ZBTB49: variants seen among roughly 807,000 people sequenced by gnomAD.
ZBTB49 encodes zinc finger and BTB domain containing 49.
In ZBTB49, 43 loss-of-function variants were observed where a neutral mutation model predicts 57.5. The observed-to-expected ratio is 0.75, with a 90% CI of 0.59 to 0.97. The LOEUF (loss-of-function observed/expected upper bound fraction) is 0.97, where lower values mean the gene tolerates loss of function less well. ZBTB49 is among the 50% of genes least tolerant of loss of function. ZBTB49 has a pLI of 0.00. For missense variants in ZBTB49, 938 were observed against 947.7 expected, an observed-to-expected ratio of 0.99 and a Z score of 0.13; for synonymous variants, 369 against 362.1, an observed-to-expected ratio of 1.02 and a Z score of -0.22.
At chr4:4,316,463 T>C (rs1160755952) in intron 7 of ZBTB49, among the ~76,000 whole-genome samples, 1 of 152,168 alleles carries the variant, frequency 6.6e-6, no homozygotes, top group East Asian at 1.9e-4. Context: ...ACTGCTCCGA[T>C]GAGGACACGG....
At chr4:4,294,872 CGTGTGTGTGTGTGTGTGTGT>C (rs10626183) in intron 1 of ZBTB49, among the ~76,000 whole-genome samples, 2 of 138,128 alleles carry the variant, frequency 1.4e-5, no homozygotes, top group East Asian at 4.4e-4. Flanking sequence ...AGGAGGGTTT[CGTGTGTGTGTGTGTGTGTGT>C]GTGTGTGTGT....
chr4:4,315,734 T>C lies in ZBTB49; in HGVS notation c.1459+16T>C. On this transcript the variant is annotated intron_variant, in intron 6 of 7. Coordinates refer to ENST00000337872, the MANE Select transcript of ZBTB49 (RefSeq NM_145291.4). ...TGTGGTCGAGGTACAGCTGAGTGTT[T>C]TCCTATTCTTCTTGAAGATTTCTGA... 2 of 1,611,968 alleles carry C rather than the reference T, an allele frequency of 1.2e-6. No individual in the cohort carries two copies. The highest frequency in any genetic ancestry group is 1.7e-6 in the Non-Finnish European group (2 of 1,179,934).
chr4:4,320,017 C>T (rs753511012), intron 7 of ZBTB49, among the ~76,000 whole-genome samples: 5 of 145,712 alleles, frequency 3.4e-5, no homozygotes, highest in Admixed American at 6.8e-5. Flanking sequence ...TGAGCCGAGA[C>T]AATGCCACTT....
chr4:4,304,270 G>A (rs1191635925), intron 3 of ZBTB49, among the ~76,000 whole-genome samples: 1 of 150,302 alleles, frequency 6.7e-6, no homozygotes, highest in African/African-American at 2.5e-5. Flanking sequence ...CTGTTGCCCA[G>A]ACTGGAGTGC....
At chr4:4,303,760 C>CTGTGTGTGTGTGTGTG (rs1553805028) in intron 3 of ZBTB49, among the ~76,000 whole-genome samples, 1 of 121,322 alleles carries the variant, frequency 8.2e-6, no homozygotes, top group African/African-American at 3.3e-5. Context: ...CTCTCTCTCT[C>CTGTGTGTGTGTGTGTG]TGTGTGTGTG....
chr4:4,300,072 C>G lies in ZBTB49; in HGVS notation c.127C>G (p.Leu43Val). 4 of 1,614,144 alleles carry G rather than the reference C, an allele frequency of 2.5e-6. No homozygotes were observed. The highest frequency in any genetic ancestry group is 3.4e-6 in the Non-Finnish European group (4 of 1,180,016). ...GVCFKAHKNVLAAFSQYFRSL... is the reference protein window; with the variant it reads ...GVCFKAHKNVVAAFSQYFRSL... The stretch of plus-strand genomic sequence containing the variant: ...CTGCTTTAAAGCGCATAAGAATGTC[C>G]TGGCAGCATTCAGCCAGTATTTTAG... Residue 43 changes from leucine to valine, a missense_variant, in exon 2 of 8, where the codon CTG becomes GTG. This residue lies in a region of ZBTB49 where 100 missense variants were observed against 112.5 expected (regional missense o/e 0.89). Transcript: ENST00000337872.
At chr4:4,299,776 GGTGTGTGTGTGTGTGTGTGTGTGT>G in intron 1 of ZBTB49, among the ~76,000 whole-genome samples, 127 bp from the exon 2 acceptor site, 1 of 103,740 alleles carries the variant, frequency 9.6e-6, no homozygotes, top group East Asian at 2.8e-4. Context: ...CAGAAACAGA[GGTGTGTGTGTGTGTGTGTGTGTGT>G]GTGTGTGTGT....
intron 1 of ZBTB49, among the ~76,000 whole-genome samples, chr4:4,299,213 T>C (rs1358438512): frequency 1.3e-5 from 2 of 152,180 alleles, no homozygotes; most frequent in Non-Finnish European, 2.9e-5. Context: ...ACTTGGTGCT[T>C]GCTGTTCTTT....
intron 1 of ZBTB49, among the ~76,000 whole-genome samples, chr4:4,292,065 G>T (rs1428950016): frequency 1.3e-5 from 2 of 152,120 alleles, no homozygotes; most frequent in Non-Finnish European, 2.9e-5. Flanking sequence ...TTGAGGTCAG[G>T]AGTTTGACAC....
At chr4:4,303,381 A>G (rs974410631) in intron 3 of ZBTB49, among the ~76,000 whole-genome samples, 1 of 152,204 alleles carries the variant, frequency 6.6e-6, no homozygotes. Context: ...AAAGTATAGT[A>G]ATTTTGGTGC....
chr4:4,316,524 G>A (rs1278136693), intron 7 of ZBTB49, among the ~76,000 whole-genome samples: 1 of 152,178 alleles, frequency 6.6e-6, no homozygotes, highest in African/African-American at 2.4e-5. Context: ...TTGGAGCCAG[G>A]ATTCCTATAC....
intron 1 of ZBTB49, among the ~76,000 whole-genome samples, chr4:4,293,348 A>G (rs1720033604): frequency 6.6e-6 from 1 of 152,178 alleles, no homozygotes. Flanking sequence ...GCAGTTCCTT[A>G]ATGCAAAGCT....
chr4:4,321,076 G>A lies in ZBTB49; in HGVS notation c.2058G>A (p.Gln686=). 5 of 1,614,184 alleles carry A rather than the reference G, an allele frequency of 3.1e-6. No homozygotes were observed. The highest frequency in any genetic ancestry group is 4.2e-6 in the Non-Finnish European group (5 of 1,180,038). Residue 686 remains glutamine, a synonymous_variant, in exon 8 of 8, where the codon CAG becomes CAA. Coordinates refer to ENST00000337872, the MANE Select transcript of ZBTB49 (RefSeq NM_145291.4). ...KLAKPQMQQT[Q]PQAYAYSDVD... ...CCAAGCCCCAGATGCAGCAGACACA[G>A]CCTCAGGCCTATGCTTACTCGGATG...
chr4:4,304,224 A>AT (rs1159657413), intron 3 of ZBTB49, among the ~76,000 whole-genome samples: 5 of 127,350 alleles, frequency 3.9e-5, no homozygotes, highest in African/African-American at 1.6e-4. Context: ...TGATTACTGC[A>AT]ATTTTTTTTT....
intron 3 of ZBTB49, among the ~76,000 whole-genome samples, chr4:4,303,760 C>CTCTCTCTCTCTCTCTCTGTGTG (rs1223289249): frequency 8.2e-6 from 1 of 121,322 alleles, no homozygotes; most frequent in African/African-American, 3.3e-5. Flanking sequence ...CTCTCTCTCT[C>CTCTCTCTCTCTCTCTCTGTGTG]TGTGTGTGTG....
In ZBTB49 at chr4:4,305,537, C is replaced by T. The variant is rs147676517; in HGVS notation, c.1256-601C>T. ...GTACCATTCTTAGAATCTGTTCTGT[C>T]CCCAAGCGCAGTTACTTAGTTATTG... On this transcript the variant is annotated intron_variant, in intron 3 of 7. Coordinates refer to ENST00000337872, the MANE Select transcript of ZBTB49 (RefSeq NM_145291.4). 1.6e-3 allele frequency among the ~76,000 whole-genome samples: 240 copies of T among 152,280 alleles called. 2 individuals carry two copies. The highest frequency in any genetic ancestry group is 7.9e-3 in the East Asian group (41 of 5,192).
rs779024170 is a variant in ZBTB49, at chr4:4,299,911, T to C, written c.-19-16T>C. 6.2e-7 allele frequency: 1 copy of C among 1,610,360 alleles called. No homozygotes were observed. Among genetic ancestry groups the C allele is most frequent in the East Asian group, 2.2e-5 (1 of 44,814 alleles). On this transcript the variant is annotated splice_polypyrimidine_tract_variant and intron_variant, in intron 1 of 7. Transcript: ENST00000337872. The stretch of plus-strand genomic sequence containing the variant: ...TCCTTAAGAATATCTGTCGTATCTG[T>C]GATTTTTTGCTGTAGGTCACCTGAA...
chr4:4,303,679 T>C (rs1355944567), intron 3 of ZBTB49, among the ~76,000 whole-genome samples: 1 of 152,078 alleles, frequency 6.6e-6, no homozygotes, highest in African/African-American at 2.4e-5. Flanking sequence ...AGTTTTGTTA[T>C]CTTAATTCAT....
chr4:4,318,264 C>T (rs1721269574), intron 7 of ZBTB49, among the ~76,000 whole-genome samples: 1 of 152,210 alleles, frequency 6.6e-6, no homozygotes, highest in Admixed American at 6.5e-5. Context: ...GTGGTTGTCC[C>T]ATCTTGTTCA....
Sources: gnomAD v4.1 joint callset for allele counts (sites outside exome capture counted in the v4.1 genomes callset) on GRCh38, gnomAD v4.1.1 for gene constraint, gnomAD v4.1.1 regional missense constraint, MANE v1.5 for transcripts, NCBI Gene and HGNC (gene_info 2026-07-23, HGNC 2026-07-21) for gene names.